GNL3L: variants seen among roughly 807,000 people sequenced by gnomAD.
GNL3L encodes the protein guanine nucleotide-binding protein-like 3-like protein.
In GNL3L, 4 loss-of-function variants were observed where a neutral mutation model predicts 42.9. That is an observed-to-expected ratio of 0.09 (90% confidence interval 0.05 to 0.21). GNL3L has a LOEUF of 0.21. Ranked by LOEUF, GNL3L falls within the 10% of genes least tolerant of loss-of-function variation. The pLI is 1.00. For synonymous variants in GNL3L, 159 were observed against 176.3 expected, an observed-to-expected ratio of 0.90 and a Z score of 0.78; for missense variants, 412 against 481.7, an observed-to-expected ratio of 0.86 and a Z score of 1.36.
the GNL3L span, among the ~76,000 whole-genome samples, chrX:54,633,940 T>A: frequency 3.5e-5 from 4 of 112,962 alleles, no homozygotes; most frequent in Admixed American, 2.8e-4. Flanking sequence ...TTAAAGTATG[T>A]CATCTTAGTG....
chrX:54,637,456 CAT>C, the GNL3L span, among the ~76,000 whole-genome samples: 28 of 111,711 alleles, frequency 2.5e-4, no homozygotes, highest in African/African-American at 4.2e-4. Context: ...CATATACACA[CAT>C]GTGTGCACAC....
intron 16 of GNL3L, among the ~76,000 whole-genome samples, chrX:54,606,695 T>C (rs1412036697): frequency 9.4e-6 from 1 of 106,345 alleles, no homozygotes; most frequent in African/African-American, 3.5e-5. Context: ...GTATGGAATG[T>C]AGTGGTGCGC....
At chrX:54,555,633 ATTTTTTTTTTTTT>A (rs759334820) in intron 14 of GNL3L, among the ~76,000 whole-genome samples, 1 of 66,396 alleles carries the variant, frequency 1.5e-5, no homozygotes, top group Non-Finnish European at 2.6e-5. Context: ...ACCATGCCTA[ATTTTTTTTTTTTT>A]TTTTTTTTTT....
At chrX:54,543,942 C>T (rs975366692) in intron 7 of GNL3L, 3 of 269,954 alleles carry the variant, frequency 1.1e-5, no homozygotes, top group African/African-American at 2.8e-5. Context: ...CTCTGATGCT[C>T]CTGGCGCTGT....
rs984486831 is a variant in GNL3L, at chrX:54,564,006, G to A, written c.*3404G>A. Among the ~76,000 whole-genome samples the A allele has an allele frequency of 2.8e-4, 31 of 110,245 alleles. No individual in the cohort carries two copies. Among genetic ancestry groups the A allele is most frequent in the African/African-American group, 9.9e-4 (30 of 30,266 alleles). ...ACAGGAGTGAACCACTACCACAATC[G>A]AAATATAGTTGCATCACCCCCCTAA... On this transcript the variant is annotated 3_prime_UTR_variant, in exon 16 of 16. Coordinates refer to ENST00000360845, the MANE Select transcript of GNL3L (RefSeq NM_001184819.2).
chrX:54,538,300 G>A (rs1430711749), intron 2 of GNL3L, among the ~76,000 whole-genome samples: 2 of 111,579 alleles, frequency 1.8e-5, no homozygotes, highest in African/African-American at 6.5e-5. Flanking sequence ...GTATTCTCGA[G>A]CTGCTCATAT....
chrX:54,549,851 T>C (rs186211776), intron 9 of GNL3L, among the ~76,000 whole-genome samples: 9 of 110,399 alleles, frequency 8.2e-5, no homozygotes, highest in African/African-American at 3.0e-4. Flanking sequence ...CAGAGAGAAA[T>C]AGAGACATAC....
At chrX:54,574,382 C>T (rs772599770) in intron 16 of GNL3L, among the ~76,000 whole-genome samples, 9 of 111,726 alleles carry the variant, frequency 8.1e-5, no homozygotes, top group Non-Finnish European at 1.7e-4. Context: ...CTGCATTTAT[C>T]GAGATGATTA....
intron 16 of GNL3L, among the ~76,000 whole-genome samples, chrX:54,610,656 A>G (rs1318284738): frequency 9.0e-6 from 1 of 111,306 alleles, no homozygotes; most frequent in African/African-American, 3.3e-5. Flanking sequence ...ACATTTATTG[A>G]CTTGTGTATG....
At chrX:54,533,550 C>T (rs960731859) in intron 2 of GNL3L, among the ~76,000 whole-genome samples, 1 of 111,039 alleles carries the variant, frequency 9.0e-6, no homozygotes, top group African/African-American at 3.3e-5. Flanking sequence ...ATAAAAATGT[C>T]ATCAAGAATC....
intron 9 of GNL3L, among the ~76,000 whole-genome samples, chrX:54,549,169 CAG>C (rs1924858329): frequency 9.0e-6 from 1 of 111,583 alleles, no homozygotes; most frequent in South Asian, 3.7e-4. Context: ...GAGACAGATT[CAG>C]AGAGAGACAT....
intron 14 of GNL3L, among the ~76,000 whole-genome samples, chrX:54,555,472 CTTTT>C (rs1925066046): frequency 9.3e-6 from 1 of 107,037 alleles, no homozygotes. Context: ...TTCTTTCTTT[CTTTT>C]TCTTTCTTTT....
At chrX:54,614,429 G>A (rs936381417) in intron 16 of GNL3L, among the ~76,000 whole-genome samples, 3 of 110,973 alleles carry the variant, frequency 2.7e-5, no homozygotes, top group African/African-American at 6.6e-5. Context: ...CCTGAGTTCT[G>A]ATCAGGAGGC....
Position 54,565,824 on chromosome X carries a change from GTTTTTT to G in GNL3L, c.*5238_*5243del, listed in dbSNP as rs766645013. 9.4e-4 allele frequency among the ~76,000 whole-genome samples: 64 copies of G among 67,853 alleles called. No individual in the cohort carries two copies. Among genetic ancestry groups the G allele is most frequent in the African/African-American group, 4.5e-3 (60 of 13,451 alleles). The allele number at this position is 67,853 out of a possible 115,157, so 58.9% of individuals were successfully genotyped here. The stretch of plus-strand genomic sequence containing the variant: ...AGGATTATATGCTGGATACAGGGGT[GTTTTTT>G]TTTTTTTTTTTTTTTGAAACAGAGT... On this transcript the variant is annotated 3_prime_UTR_variant, in exon 16 of 16. Transcript: ENST00000360845.
chrX:54,554,812 G>A, intron 14 of GNL3L, 120 bp downstream of exon 14: 1 of 581,114 alleles, frequency 1.7e-6, no homozygotes, highest in Non-Finnish European at 2.8e-6. Flanking sequence ...CTCCCTATGG[G>A]CTTCTGGATG....
intron 16 of GNL3L, among the ~76,000 whole-genome samples, chrX:54,575,640 A>G (rs1036106862): frequency 4.5e-5 from 5 of 112,338 alleles, no homozygotes; most frequent in Non-Finnish European, 7.5e-5. Flanking sequence ...AGGCTGAGGC[A>G]GGAGAATGGC....
chrX:54,596,177 T>G (rs1417621216), intron 16 of GNL3L, among the ~76,000 whole-genome samples: 1 of 111,999 alleles, frequency 8.9e-6, no homozygotes, highest in African/African-American at 3.2e-5. Flanking sequence ...TATTGTAGTC[T>G]TCACAGTCTG....
chrX:54,548,890 A>C (rs1005861144), intron 9 of GNL3L, among the ~76,000 whole-genome samples: 1 of 111,595 alleles, frequency 9.0e-6, no homozygotes, highest in African/African-American at 3.3e-5. Context: ...ATAGGTATGC[A>C]TACCAGGATA....
chrX:54,552,114 C>A, intron 12 of GNL3L, 140 bp downstream of exon 12: 1 of 816,110 alleles, frequency 1.2e-6, no homozygotes, highest in Non-Finnish European at 1.8e-6. Context: ...CAGGTCATGT[C>A]CTGCTCGAGA....
Sources: allele counts gnomAD v4.1 joint callset (sites outside exome capture counted in the v4.1 genomes callset), GRCh38; gene constraint gnomAD v4.1.1; transcripts MANE v1.5; gene names NCBI Gene and HGNC (gene_info 2026-07-23, HGNC 2026-07-21).